Variants in PCDHGA5 observed in about 807,000 individuals in gnomAD.
PCDHGA5 encodes the protein protocadherin gamma subfamily A, 5.
PCDHGA5 carries 36 observed loss-of-function variants against 56.7 expected under a neutral mutation model. The observed-to-expected ratio is 0.64, with a 90% CI of 0.49 to 0.84. The LOEUF is 0.84. Ranked by LOEUF, PCDHGA5 falls within the 40% of genes least tolerant of loss-of-function variation. The probability of loss-of-function intolerance (pLI) is 0.00; values close to 1 mark genes in which losing one functional copy is unlikely to be tolerated. For synonymous variants in PCDHGA5, 563 were observed against 520.2 expected, an observed-to-expected ratio of 1.08 and a Z score of -1.12; for missense variants, 1,305 against 1,201.5, an observed-to-expected ratio of 1.09 and a Z score of -1.27.
intron 1 of PCDHGA5, among the ~76,000 whole-genome samples, chr5:141,472,119 A>C (rs1015212535): frequency 6.6e-6 from 1 of 152,240 alleles, no homozygotes; most frequent in African/African-American, 2.4e-5. Context: ...AAAGAAAATA[A>C]AAGAGAAGTT....
Position 141,490,970 on chromosome 5 carries a change from A to G in PCDHGA5, c.2422-3837A>G. ...CCAGACTGGGAACACTCAGCCCCCC[A>G]GCGTCTCCCTCGCTCTGCTCCTCCT... On this transcript the variant is annotated intron_variant, in intron 1 of 3. Coordinates refer to ENST00000518069, the MANE Select transcript of PCDHGA5 (RefSeq NM_018918.3). This position sits in a 1 kb window ranked among gnomAD's most constrained non-coding sequence, Gnocchi z 5.4. 1 of 1,613,858 alleles carries G rather than the reference A, an allele frequency of 6.2e-7. No individual in the cohort carries two copies. Among genetic ancestry groups the G allele is most frequent in the South Asian group, 1.1e-5 (1 of 91,062 alleles).
rs1163950013 is a variant in PCDHGA5 at position 141,512,955 on chromosome 5, A to G, written c.*1782A>G. 2 of 152,234 alleles carry G rather than the reference A, an allele frequency of 1.3e-5. No homozygotes were observed. The highest frequency in any genetic ancestry group is 2.9e-5 in the Non-Finnish European group (2 of 68,046). The allele number at this position is 152,234 out of a possible 1,614,324, so 9.4% of individuals were successfully genotyped here. ...GCTTTTTTTCTTCGACAAAAAAATA[A>G]TAAAACGTTTCTTCTGAAAAGCTGA... On this transcript the variant is annotated 3_prime_UTR_variant, in exon 4 of 4. Coordinates refer to ENST00000518069, the MANE Select transcript of PCDHGA5 (RefSeq NM_018918.3).
chr5:141,491,014 G>A lies in PCDHGA5; in HGVS notation c.2422-3793G>A, dbSNP rs761902295. On this transcript the variant is annotated intron_variant, in intron 1 of 3. Transcript: ENST00000518069. This position sits in a 1 kb window ranked among gnomAD's most constrained non-coding sequence, Gnocchi z 6.9. ...TCCTCCTGGCTCCTTGGTCACCAAG[G>A]TGACAGCCGTGGATGCTGATGCAGG... 6 of 1,614,134 alleles carry A rather than the reference G, an allele frequency of 3.7e-6. No individual in the cohort carries two copies. Among genetic ancestry groups the A allele is most frequent in the Non-Finnish European group, 4.2e-6 (5 of 1,180,044 alleles).
intron 2 of PCDHGA5, among the ~76,000 whole-genome samples, chr5:141,504,351 G>C (rs77439649): frequency 0.021 from 3,233 of 152,120 alleles, 109 homozygotes; most frequent in African/African-American, 0.075. Context: ...CTTTGTGCTA[G>C]GTGCTTCAGT....
intron 1 of PCDHGA5, chr5:141,399,579 C>T: frequency 6.2e-7 from 1 of 1,614,026 alleles, no homozygotes; most frequent in South Asian, 1.1e-5. Context: ...GCCAAGTCTC[C>T]TACTCTATCA....
At chr5:141,437,035 C>T (rs991186972) in intron 1 of PCDHGA5, among the ~76,000 whole-genome samples, 1 of 152,120 alleles carries the variant, frequency 6.6e-6, no homozygotes, top group Non-Finnish European at 1.5e-5. Context: ...AATGGATCAC[C>T]GAAACCAGAA....
chr5:141,384,580 G>T, intron 1 of PCDHGA5: 1 of 1,614,196 alleles, frequency 6.2e-7, no homozygotes, highest in Non-Finnish European at 8.5e-7. Flanking sequence ...CAACCCGCCC[G>T]AGATCCTGTA....
intron 1 of PCDHGA5, chr5:141,373,798 T>A: frequency 3.2e-6 from 1 of 315,426 alleles, no homozygotes; most frequent in Non-Finnish European, 5.8e-6. Context: ...AATAAAATCC[T>A]CTGTGTGATA....
At chr5:141,370,551 G>C in intron 1 of PCDHGA5, 13 of 1,613,928 alleles carry the variant, frequency 8.1e-6, no homozygotes, top group Non-Finnish European at 1.0e-5. Flanking sequence ...CCTCGCCAAG[G>C]ACCTGGGGTT....
At chr5:141,382,983 A>G (rs1377762297) in intron 1 of PCDHGA5, 4 of 1,612,430 alleles carry the variant, frequency 2.5e-6, no homozygotes, top group Non-Finnish European at 3.4e-6. Flanking sequence ...AAGCCTGGGC[A>G]GGACGTATTC....
intron 1 of PCDHGA5, chr5:141,404,208 A>G (rs1411239715): frequency 6.2e-7 from 1 of 1,613,782 alleles, no homozygotes; most frequent in Admixed American, 1.7e-5. Flanking sequence ...TCAGAATATA[A>G]TATCACGGTG....
At chr5:141,504,352 G>A (rs2099837588) in intron 2 of PCDHGA5, among the ~76,000 whole-genome samples, 3 of 152,016 alleles carry the variant, frequency 2.0e-5, no homozygotes, top group Admixed American at 1.3e-4. Flanking sequence ...TTTGTGCTAG[G>A]TGCTTCAGTA....
rs1764609891 is a variant in PCDHGA5 at position 141,366,517 on chromosome 5, C to A, written c.2187C>A (p.Gly729=). ...AGTCACGCCTGCTTCAGGCTGAAGG[C>A]AGCAGGTTGGCGGGTGTGCCCGCCT... ...WHKSRLLQAE[G]SRLAGVPASH... is the part of the protein sequence containing the mutation. Residue 729 remains glycine, a synonymous_variant, in exon 1 of 4, where the codon GGC becomes GGA. Coordinates refer to ENST00000518069, the MANE Select transcript of PCDHGA5 (RefSeq NM_018918.3). 1 of 1,614,130 alleles carries A rather than the reference C, an allele frequency of 6.2e-7. No homozygotes were observed. Among genetic ancestry groups the A allele is most frequent in the Admixed American group, 1.7e-5 (1 of 60,014 alleles).
intron 3 of PCDHGA5, among the ~76,000 whole-genome samples, chr5:141,509,056 G>A (rs1303823294): frequency 1.3e-5 from 2 of 152,178 alleles, no homozygotes; most frequent in Admixed American, 6.5e-5. Context: ...CCCCCAGAAA[G>A]CTCTCAGCTC....
chr5:141,428,426 C>T (rs1040765233), intron 1 of PCDHGA5: 1 of 435,172 alleles, frequency 2.3e-6, no homozygotes, highest in African/African-American at 2.0e-5. Context: ...GGTCTCTGTT[C>T]TAAGACTAGA....
At chr5:141,484,317 T>C (rs939085863) in intron 1 of PCDHGA5, among the ~76,000 whole-genome samples, 1 of 152,220 alleles carries the variant, frequency 6.6e-6, no homozygotes, top group Non-Finnish European at 1.5e-5. Context: ...CCCGCTTCCA[T>C]ACTGTCCTTG....
rs2099641707 is a variant in PCDHGA5 at position 141,487,238 on chromosome 5, C to T, written c.2422-7569C>T. 1.2e-6 allele frequency: 2 copies of T among 1,614,056 alleles called. No individual in the cohort carries two copies. The highest frequency in any genetic ancestry group is 1.7e-6 in the Non-Finnish European group (2 of 1,180,022). On this transcript the variant is annotated intron_variant, in intron 1 of 3. Transcript: ENST00000518069. This position sits in a 1 kb window ranked among gnomAD's most constrained non-coding sequence, Gnocchi z 5.0. ...AGCTCCAAGGGAAGGAGAATCTCGT[C>T]TAACCCTCTACTTGGCTGTGTCCCT...
At chr5:141,473,229 T>G (rs891825934) in intron 1 of PCDHGA5, among the ~76,000 whole-genome samples, 8 of 152,160 alleles carry the variant, frequency 5.3e-5, no homozygotes, top group Admixed American at 1.3e-4. Context: ...GGAGATTGGA[T>G]CCACACAAGT....
In PCDHGA5 at chr5:141,489,684, T is replaced by A; in HGVS notation, c.2422-5123T>A. 1 of 1,614,180 alleles carries A rather than the reference T, an allele frequency of 6.2e-7. No homozygotes were observed. Among genetic ancestry groups the A allele is most frequent in the South Asian group, 1.1e-5 (1 of 91,078 alleles). ...TGCGCATCTCAGAATCAGCAGCATC[T>A]GGGGCACGATTCCCACTGGACAGTG... On this transcript the variant is annotated intron_variant, in intron 1 of 3. Transcript: ENST00000518069. This position sits in a 1 kb window ranked among gnomAD's most constrained non-coding sequence, Gnocchi z 4.5.
Sources: gnomAD v4.1 joint callset for allele counts (sites outside exome capture counted in the v4.1 genomes callset) on GRCh38, gnomAD v4.1.1 for gene constraint, Gnocchi (gnomAD v3.1) non-coding constraint, MANE v1.5 for transcripts, NCBI Gene and HGNC (gene_info 2026-07-23, HGNC 2026-07-21) for gene names.